Variants in TTC28 observed in about 807,000 individuals in gnomAD.
The protein encoded by TTC28 is tetratricopeptide repeat protein 28.
In TTC28, 61 loss-of-function variants were observed where a neutral mutation model predicts 198.0. The ratio of observed to expected loss-of-function variants is 0.31; its 90% CI spans 0.25 to 0.38. The LOEUF (loss-of-function observed/expected upper bound fraction) is 0.38, where lower values mean the gene tolerates loss of function less well. TTC28 is among the 10% of genes least tolerant of loss of function. The probability of loss-of-function intolerance (pLI) is 1.00; values close to 1 mark genes in which losing one functional copy is unlikely to be tolerated. For synonymous variants in TTC28, 1,171 were observed against 1,297.8 expected, an observed-to-expected ratio of 0.90 and a Z score of 2.10; for missense variants, 2,678 against 3,164.0, an observed-to-expected ratio of 0.85 and a Z score of 3.69.
chr22:28,196,765 G>A lies in TTC28; in HGVS notation c.934-33166C>T, dbSNP rs1322561554. On this transcript the variant is annotated intron_variant, in intron 5 of 22. Transcript: ENST00000397906. ...AGTATGGCGATCATTAAAAAGTCAG[G>A]AAACAACAGGTGCTGGAGAGGATGT... is the stretch of plus-strand genomic sequence containing the variant. Among the ~76,000 whole-genome samples the A allele has an allele frequency of 2.6e-5, 4 of 152,194 alleles. 1 individual carries two copies. The highest frequency in any genetic ancestry group is 2.0e-4 in the Admixed American group (3 of 15,284).
intron 2 of TTC28, among the ~76,000 whole-genome samples, chr22:28,388,649 T>G (rs1267098924): frequency 6.6e-6 from 1 of 152,006 alleles, no homozygotes; most frequent in East Asian, 1.9e-4. Context: ...CTCTGTCTGT[T>G]GTTGGTGTAT....
At chr22:28,293,616 T>A (rs1338510872) in intron 5 of TTC28, among the ~76,000 whole-genome samples, 1 of 152,088 alleles carries the variant, frequency 6.6e-6, no homozygotes, top group Admixed American at 6.6e-5. Flanking sequence ...AGATTAGATA[T>A]GAAATGTTCC....
At chr22:28,184,673 A>G (rs1924027114) in intron 5 of TTC28, among the ~76,000 whole-genome samples, 1 of 152,148 alleles carries the variant, frequency 6.6e-6, no homozygotes, top group East Asian at 1.9e-4. Flanking sequence ...AATATAGGTT[A>G]TACTGATAGA....
chr22:28,046,545 G>A (rs904115984), intron 12 of TTC28, among the ~76,000 whole-genome samples: 1 of 152,112 alleles, frequency 6.6e-6, no homozygotes, highest in Non-Finnish European at 1.5e-5. Context: ...GTCATTATGT[G>A]GTACATGACT....
chr22:28,003,094 C>G (rs755667429), intron 14 of TTC28, among the ~76,000 whole-genome samples: 1 of 152,114 alleles, frequency 6.6e-6, no homozygotes, highest in Non-Finnish European at 1.5e-5. Context: ...ACAGTGACCC[C>G]GACACTGTCT....
intron 2 of TTC28, among the ~76,000 whole-genome samples, chr22:28,355,577 A>C (rs112403285): frequency 6.6e-6 from 1 of 152,246 alleles, no homozygotes; most frequent in African/African-American, 2.4e-5. Context: ...TCACTAATAA[A>C]CAAAAATACA....
rs1328613785 is a variant in TTC28, at chr22:28,199,607, T to C, written c.934-36008A>G. 5.2e-3 allele frequency among the ~76,000 whole-genome samples: 772 copies of C among 149,490 alleles called. 20 individuals are homozygous for C. The highest frequency in any genetic ancestry group is 0.018 in the African/African-American group (728 of 39,626). On this transcript the variant is annotated intron_variant, in intron 5 of 22. Transcript: ENST00000397906. ...CACTGTGTATGTGTATGTGTATGTG[T>C]ATGTGTATGTGTATGTTCATAAAAC... is the stretch of plus-strand genomic sequence containing the variant.
intron 2 of TTC28, among the ~76,000 whole-genome samples, chr22:28,369,372 A>G (rs1196171562): frequency 2.6e-5 from 4 of 152,226 alleles, no homozygotes; most frequent in Non-Finnish European, 5.9e-5. Context: ...AAATCATTAA[A>G]CTATTGACTA....
At chr22:28,153,991 T>C (rs1165299932) in intron 6 of TTC28, among the ~76,000 whole-genome samples, 1 of 152,158 alleles carries the variant, frequency 6.6e-6, no homozygotes, top group African/African-American at 2.4e-5. Context: ...GGCAGGTGTA[T>C]ACTAAGTCAC....
intron 2 of TTC28, among the ~76,000 whole-genome samples, chr22:28,334,457 C>T (rs80307054): frequency 0.094 from 14,274 of 152,218 alleles, 854 homozygotes; most frequent in South Asian, 0.24. Context: ...AACTAGTTTA[C>T]AATCCCACCA....
At chr22:28,174,267 C>T (rs1922952649) in intron 5 of TTC28, among the ~76,000 whole-genome samples, 1 of 152,126 alleles carries the variant, frequency 6.6e-6, no homozygotes, top group Admixed American at 6.6e-5. Flanking sequence ...CTAAATAATA[C>T]AGTATTTATA....
intron 6 of TTC28, among the ~76,000 whole-genome samples, chr22:28,113,785 T>C (rs1942555903): frequency 6.6e-6 from 1 of 152,238 alleles, no homozygotes; most frequent in Non-Finnish European, 1.5e-5. Context: ...GTTATGAGTA[T>C]GTGGGAGTTC....
chr22:28,051,221 AGT>A (rs1940073617), intron 12 of TTC28, among the ~76,000 whole-genome samples: 1 of 152,176 alleles, frequency 6.6e-6, no homozygotes, highest in South Asian at 2.1e-4. Context: ...TCAGAGGGAG[AGT>A]GTGACTCCCA....
intron 12 of TTC28, among the ~76,000 whole-genome samples, chr22:28,042,647 G>A (rs1285498782): frequency 6.6e-6 from 1 of 151,890 alleles, no homozygotes; most frequent in Non-Finnish European, 1.5e-5. Context: ...GAGTTGATGG[G>A]TGCAGCAAAC....
At chr22:28,506,501 G>A (rs769838099) in intron 2 of TTC28, among the ~76,000 whole-genome samples, 4 of 152,038 alleles carry the variant, frequency 2.6e-5, no homozygotes, top group South Asian at 2.1e-4. Flanking sequence ...TGGAGAACAC[G>A]AACATTCTGG....
intron 5 of TTC28, among the ~76,000 whole-genome samples, chr22:28,260,498 T>C (rs892784221): frequency 2.6e-5 from 4 of 152,160 alleles, no homozygotes. Flanking sequence ...GTTATTATTA[T>C]AGTACTAAGT....
chr22:28,463,850 T>C (rs1489345347), intron 2 of TTC28, among the ~76,000 whole-genome samples: 1 of 152,168 alleles, frequency 6.6e-6, no homozygotes, highest in Admixed American at 6.6e-5. Flanking sequence ...ACATGGCACA[T>C]GTATACATAT....
rs373623661 is a variant in TTC28, at chr22:28,341,685, G to A, written c.382-35042C>T. On this transcript the variant is annotated intron_variant, in intron 2 of 22. Transcript: ENST00000397906. ...CATGCCTGTAACCCCAGCTACTCGG[G>A]AGGTTGAGGCAGGAGAATTGCTTGA... is the stretch of plus-strand genomic sequence containing the variant. Among the ~76,000 whole-genome samples the A allele has an allele frequency of 4.6e-3, 695 of 152,196 alleles. 4 individuals are homozygous for A. Among genetic ancestry groups the A allele is most frequent in the African/African-American group, 0.016 (663 of 41,518 alleles).
chr22:28,663,045 G>A (rs1430191191), intron 1 of TTC28, among the ~76,000 whole-genome samples: 5 of 151,952 alleles, frequency 3.3e-5, no homozygotes, highest in Non-Finnish European at 7.4e-5. Context: ...TCAGGAGATC[G>A]AGACCATCCT....
Sources: gnomAD v4.1 joint callset for allele counts (sites outside exome capture counted in the v4.1 genomes callset) on GRCh38, gnomAD v4.1.1 for gene constraint, MANE v1.5 for transcripts, NCBI Gene and HGNC (gene_info 2026-07-23, HGNC 2026-07-21) for gene names.